WASF1: variants seen among roughly 807,000 people sequenced by gnomAD.
WASF1 encodes WASP family member 1.
WASF1 carries 7 observed loss-of-function variants against 50.5 expected under a neutral mutation model. The observed-to-expected ratio is 0.14, with a 90% CI of 0.08 to 0.26. The LOEUF is 0.26. Among genes scored for constraint, WASF1 ranks in the 10% least tolerant of loss-of-function variants. WASF1 has a pLI of 1.00. For synonymous variants in WASF1, 205 were observed against 244.0 expected, an observed-to-expected ratio of 0.84 and a Z score of 1.49; for missense variants, 470 against 694.7, an observed-to-expected ratio of 0.68 and a Z score of 3.64.
At position 110,108,659 on chromosome 6, in the gene WASF1, C is replaced by T. The variant is rs780380347; in HGVS notation, c.291G>A (p.Met97Ile). The T allele has an allele frequency of 2.5e-6, 4 of 1,613,748 alleles. No individual in the cohort carries two copies. In the African/African-American group the frequency reaches 5.3e-5, roughly 22 times the overall value. The change falls in exon 6 of 11, where the codon ATG (methionine) becomes ATA (isoleucine). Residue 97 changes from methionine to isoleucine, a missense_variant. By Grantham distance (10) the Met-to-Ile change is conservative. Transcript: ENST00000392589. The stretch of plus-strand genomic sequence containing the variant: ...TTGTAGAACTTCGGAAAGCTTTCCT[C>T]ATTGTTATATCTTGCAAAGACACTA... ...EEELSLQDIT[M>I]RKAFRSSTIQ...
At chr6:110,109,639 C>A (rs13193387) in intron 5 of WASF1, among the ~76,000 whole-genome samples, 5 of 151,230 alleles carry the variant, frequency 3.3e-5, no homozygotes, top group African/African-American at 9.7e-5. Flanking sequence ...GCAACCTCTT[C>A]CTCCCGGGTT....
At chr6:110,162,368 T>G (rs1343840353) in intron 2 of WASF1, among the ~76,000 whole-genome samples, 1 of 138,172 alleles carries the variant, frequency 7.2e-6, no homozygotes. Flanking sequence ...TCAAAAGGCA[T>G]AAAGGAACAG....
chr6:110,176,257 A>G (rs1185513398), intron 2 of WASF1, among the ~76,000 whole-genome samples: 3 of 152,136 alleles, frequency 2.0e-5, no homozygotes, highest in Admixed American at 6.5e-5. Context: ...TAATTTACAT[A>G]TATCTTTTTT....
At chr6:110,132,963 T>TATAC (rs1554202008) in intron 3 of WASF1, among the ~76,000 whole-genome samples, 1 of 130,072 alleles carries the variant, frequency 7.7e-6, no homozygotes, top group Non-Finnish European at 1.6e-5. Context: ...CCATGGTGTA[T>TATAC]ACACACACAC....
intron 4 of WASF1, among the ~76,000 whole-genome samples, chr6:110,114,030 C>T (rs1399380587): frequency 1.3e-5 from 2 of 152,064 alleles, no homozygotes; most frequent in African/African-American, 4.8e-5. Context: ...TAAATCATAA[C>T]AATAAATTTA....
intron 3 of WASF1, among the ~76,000 whole-genome samples, chr6:110,133,911 G>A (rs1350550488): frequency 6.6e-6 from 1 of 152,046 alleles, no homozygotes; most frequent in African/African-American, 2.4e-5. Context: ...TTGTTTTTGG[G>A]TTCTTGGTCA....
chr6:110,155,281 C>T (rs1020225350), intron 3 of WASF1, among the ~76,000 whole-genome samples: 11 of 152,026 alleles, frequency 7.2e-5, no homozygotes, highest in Admixed American at 3.9e-4. Flanking sequence ...TGCTTTTTAT[C>T]GGCTATAAGC....
chr6:110,162,442 CAA>C (rs546932624), intron 2 of WASF1, among the ~76,000 whole-genome samples: 14 of 68,552 alleles, frequency 2.0e-4, no homozygotes, highest in Admixed American at 1.6e-4. Context: ...AAAGACAAGG[CAA>C]AAAAAAAAAA....
intron 3 of WASF1, among the ~76,000 whole-genome samples, chr6:110,128,714 A>T (rs1774522067): frequency 6.6e-6 from 1 of 151,944 alleles, no homozygotes; most frequent in Non-Finnish European, 1.5e-5. Flanking sequence ...CTAGTCCAGG[A>T]CTCCCCAACC....
chr6:110,136,569 T>C (rs1774977620), intron 3 of WASF1, among the ~76,000 whole-genome samples: 1 of 152,208 alleles, frequency 6.6e-6, no homozygotes, highest in Admixed American at 6.5e-5. Flanking sequence ...ATTAGGTATA[T>C]TTACCATTAT....
At chr6:110,173,659 A>G (rs1776808296) in intron 2 of WASF1, among the ~76,000 whole-genome samples, 1 of 152,168 alleles carries the variant, frequency 6.6e-6, no homozygotes, top group Non-Finnish European at 1.5e-5. Flanking sequence ...TCTCAGGACC[A>G]TGGACAAAGG....
At chr6:110,151,273 T>C (rs1436541447) in intron 3 of WASF1, among the ~76,000 whole-genome samples, 1 of 152,190 alleles carries the variant, frequency 6.6e-6, no homozygotes, top group African/African-American at 2.4e-5. Flanking sequence ...TTGGTAACAC[T>C]TGGTATCACA....
chr6:110,118,400 TC>T, intron 4 of WASF1, among the ~76,000 whole-genome samples: 1 of 127,958 alleles, frequency 7.8e-6, no homozygotes, highest in East Asian at 2.5e-4. Context: ...AATCCTAGTC[TC>T]TGATAAAACA....
At chr6:110,149,587 T>C (rs1477166586) in intron 3 of WASF1, among the ~76,000 whole-genome samples, 1 of 152,144 alleles carries the variant, frequency 6.6e-6, no homozygotes. Context: ...TATCCGATTT[T>C]TGTAGATTAG....
intron 2 of WASF1, among the ~76,000 whole-genome samples, chr6:110,172,555 A>G (rs933018496): frequency 2.0e-5 from 3 of 152,164 alleles, no homozygotes; most frequent in African/African-American, 7.2e-5. Flanking sequence ...CCATCAATGG[A>G]TAATTAAAGA....
At chr6:110,135,064 C>G (rs1774884396) in intron 3 of WASF1, among the ~76,000 whole-genome samples, 1 of 152,076 alleles carries the variant, frequency 6.6e-6, no homozygotes, top group African/African-American at 2.4e-5. Context: ...TTGTAGTTTT[C>G]CTTGTAGAGG....
intron 6 of WASF1, among the ~76,000 whole-genome samples, 194 bp downstream of exon 6, chr6:110,108,334 G>A (rs1773417334): frequency 6.6e-6 from 1 of 151,924 alleles, no homozygotes; most frequent in South Asian, 2.1e-4. Context: ...CTTTTAAATA[G>A]GTCTTGTCTT....
At chr6:110,104,315 T>C (rs1267317539) in intron 8 of WASF1, among the ~76,000 whole-genome samples, 4 of 152,148 alleles carry the variant, frequency 2.6e-5, no homozygotes, top group Non-Finnish European at 5.9e-5. Flanking sequence ...TCAACTGTAG[T>C]AGAAATAAAT....
intron 3 of WASF1, among the ~76,000 whole-genome samples, chr6:110,158,905 T>G (rs1776139376): frequency 6.6e-6 from 1 of 151,930 alleles, no homozygotes; most frequent in South Asian, 2.1e-4. Flanking sequence ...CATGGTGAGT[T>G]AGTCCTTCCT....
Sources: gnomAD v4.1 joint callset for allele counts (sites outside exome capture counted in the v4.1 genomes callset) on GRCh38, gnomAD v4.1.1 for gene constraint, MANE v1.5 for transcripts, NCBI Gene and HGNC (gene_info 2026-07-23, HGNC 2026-07-21) for gene names.